Variants in VGF observed in about 807,000 individuals in gnomAD.
VGF encodes VGF nerve growth factor inducible, also known as neurosecretory protein VGF.
A neutral mutation model predicts 41.1 loss-of-function variants in VGF; 13 were observed. The observed-to-expected ratio is 0.32, with a 90% CI of 0.21 to 0.50. VGF has a LOEUF of 0.50. Among genes scored for constraint, VGF ranks in the 20% least tolerant of loss-of-function variants. The probability of loss-of-function intolerance (pLI) is 0.98; values close to 1 mark genes in which losing one functional copy is unlikely to be tolerated. For synonymous variants in VGF, 473 were observed against 418.3 expected (o/e 1.13, Z -1.60); for missense variants, 920 against 882.1 (o/e 1.04, Z -0.54).
At chr7:101,166,947 G>T (rs964018742), upstream of VGF, among the ~76,000 whole-genome samples, 1 of 151,868 alleles carries the variant, frequency 6.6e-6, no homozygotes, top group Non-Finnish European at 1.5e-5. Context: ...AATGACACAC[G>T]CCAGACACAC....
Position 101,164,544 on chromosome 7 carries a change from G to T in VGF, c.300C>A (p.Ser100Arg). The part of the protein sequence containing the change: ...LDRPASPPAP[S>R]GSQQGPEEEA... Reference sequence around the variant, plus strand: ...CTTCCTCCGGCCCCTGCTGGGAGCCGCTTGGTGCCGGGGGTGAGGCGGGAC... The same window carrying T: ...CTTCCTCCGGCCCCTGCTGGGAGCCTCTTGGTGCCGGGGGTGAGGCGGGAC... Residue 100 changes from serine to arginine, a missense_variant, in exon 2 of 2, where the codon AGC (serine) becomes AGA (arginine). Coordinates refer to ENST00000249330, the MANE Select transcript of VGF (RefSeq NM_003378.4). The T allele has an allele frequency of 6.3e-7, 1 of 1,598,910 alleles. No homozygotes were observed. The highest frequency in any genetic ancestry group is 8.5e-7 in the Non-Finnish European group (1 of 1,177,696).
In VGF at chr7:101,162,988, A is replaced by C; in HGVS notation, c.*8T>G. ...GGGGGCGCGCGGGGGCGGGACCGGG[A>C]AGGGCAGTCACGGGCGCCGGAGCAG... On this transcript the variant is annotated 3_prime_UTR_variant, in exon 2 of 2. Coordinates refer to ENST00000249330, the MANE Select transcript of VGF (RefSeq NM_003378.4). This position sits in a 1 kb window ranked among gnomAD's most constrained non-coding sequence, Gnocchi z 4.2. 7.5e-7 allele frequency: 1 copy of C among 1,338,200 alleles called. No individual in the cohort carries two copies. Among genetic ancestry groups the C allele is most frequent in the Non-Finnish European group, 9.7e-7 (1 of 1,026,790 alleles). The allele number at this position is 1,338,200 out of a possible 1,614,324, so 82.9% of individuals were successfully genotyped here.
At chr7:101,169,375 G>A (rs532213269), upstream of VGF, among the ~76,000 whole-genome samples, 2 of 151,906 alleles carry the variant, frequency 1.3e-5, no homozygotes, top group African/African-American at 4.8e-5. Flanking sequence ...CCAAGAGAAA[G>A]AAAACCACTT....
In VGF at chr7:101,163,268, C is replaced by T. The variant is rs1003214201; in HGVS notation, c.1576G>A (p.Val526Met). 10 of 1,512,502 alleles carry T rather than the reference C, an allele frequency of 6.6e-6. No homozygotes were observed. The East Asian group carries it at 2.1e-4, about 32-fold the overall frequency. The allele number at this position is 1,512,502 out of a possible 1,614,324, so 93.7% of individuals were successfully genotyped here. Residue 526 changes from valine (V) to methionine (M), a missense_variant, in exon 2 of 2, where the codon GTG becomes ATG. This residue lies in a region of VGF where 257 missense variants were observed against 217.2 expected (regional missense o/e 1.18). Coordinates refer to ENST00000249330, the MANE Select transcript of VGF (RefSeq NM_003378.4). This position sits in a 1 kb window ranked among gnomAD's most constrained non-coding sequence, Gnocchi z 5.0. Reference protein sequence around the residue: ...ARDELPDWNEVLPPWDREEDE... With the variant: ...ARDELPDWNEMLPPWDREEDE... ...TCCTCCCGATCCCAGGGCGGGAGCA[C>T]CTCGTTCCAGTCCGGCAGCTCGTCT...
At chr7:101,166,771 G>A (rs1584214979), upstream of VGF, among the ~76,000 whole-genome samples, 6 of 138,466 alleles carry the variant, frequency 4.3e-5, no homozygotes, top group South Asian at 1.6e-3. Flanking sequence ...AGCCGTGGGC[G>A]GGGGTGGGGG....
In VGF at chr7:101,162,741, G is replaced by A. The variant is rs1015646103; in HGVS notation, c.*255C>T. On this transcript the variant is annotated 3_prime_UTR_variant, in exon 2 of 2. Coordinates refer to ENST00000249330, the MANE Select transcript of VGF (RefSeq NM_003378.4). The surrounding 1 kb of genome is among the most constrained non-coding windows in gnomAD (Gnocchi z 4.2). The stretch of plus-strand genomic sequence containing the variant: ...AGGGACTTGATGGGGCCGGGGCCCC[G>A]CGTGGCAAGGGAACTCGCACAAACC... 5.0e-6 allele frequency: 3 copies of A among 605,182 alleles called. No homozygotes were observed. The highest frequency in any genetic ancestry group is 2.2e-5 in the Admixed American group (1 of 46,278). The allele number at this position is 605,182 out of a possible 1,614,324, so 37.5% of individuals were successfully genotyped here.
upstream of VGF, among the ~76,000 whole-genome samples, chr7:101,166,427 C>A (rs1797219565): frequency 6.6e-6 from 1 of 152,060 alleles, no homozygotes; most frequent in South Asian, 2.1e-4. Flanking sequence ...TTCCCACACT[C>A]CCCCAGTCGC....
chr7:101,164,637 G>A lies in VGF; in HGVS notation c.207C>T (p.Asp69=), dbSNP rs760774163. Residue 69 remains aspartate (D), a synonymous_variant, in exon 2 of 2, where the codon GAC becomes GAT. Transcript: ENST00000249330. ...VRGARNSEPQ[D]EGELFQGVDP... is the part of the protein sequence containing the mutation. ...CCACGCCCTGGAAAAGCTCTCCCTC[G>A]TCCTGCGGCTCGGAATTCCGAGCGC... 13 of 1,595,850 alleles carry A rather than the reference G, an allele frequency of 8.1e-6. No individual in the cohort carries two copies. The highest frequency in any genetic ancestry group is 6.8e-5 in the East Asian group (3 of 44,066).
Position 101,164,499 on chromosome 7 carries a change from CAGCAG to C in VGF, c.340_344del (p.Leu114AspfsTer58), listed in dbSNP as rs1797182850. 1.9e-6 allele frequency: 3 copies of C among 1,600,938 alleles called. No individual in the cohort carries two copies. The highest frequency in any genetic ancestry group is 2.5e-6 in the Non-Finnish European group (3 of 1,179,162). On this transcript the variant is annotated frameshift_variant, in exon 2 of 2. Coordinates refer to ENST00000249330, the MANE Select transcript of VGF (RefSeq NM_003378.4). LOFTEE classifies it high-confidence loss of function. ...GGGTCTGGCTGCGCACGGTCTCGGT[CAGCAG>C]AGCTTCAGCTGCTTCTTCCTCCGGC...
chr7:101,163,528 C>T lies in VGF; in HGVS notation c.1316G>A (p.Gly439Glu), dbSNP rs1429343484. 5.6e-6 allele frequency: 9 copies of T among 1,608,186 alleles called. No homozygotes were observed. The highest frequency in any genetic ancestry group is 6.8e-6 in the Non-Finnish European group (8 of 1,177,556). Residue 439 changes from glycine (G) to glutamate (E), a missense_variant, in exon 2 of 2, where the codon GGG becomes GAG. Physicochemically the swap from Gly to Glu is moderately conservative, Grantham distance 98. Around this residue, in one of 3 missense-constraint regions of VGF, gnomAD observed 654 missense variants for 638.4 expected, o/e 1.02. Coordinates refer to ENST00000249330, the MANE Select transcript of VGF (RefSeq NM_003378.4). The surrounding 1 kb of genome is among the most constrained non-coding windows in gnomAD (Gnocchi z 5.0). ...CATCTCCTCGTCGTCCTCCTCCTCCCCGCCCTCCTCTGTCCCCTCGGCCTC... is the reference window on the plus strand; with the variant it reads ...CATCTCCTCGTCGTCCTCCTCCTCCTCGCCCTCCTCTGTCCCCTCGGCCTC... ...RKEAEGTEEGGEEEDDEEMDP... is the reference protein window; with the variant it reads ...RKEAEGTEEGEEEEDDEEMDP...
In VGF at chr7:101,163,739, G is replaced by GCTCCGC. The variant is rs1044919822; in HGVS notation, c.1099_1104dup (p.Ala367_Glu368dup). The GCTCCGC allele has an allele frequency of 5.6e-5, 86 of 1,533,544 alleles. No individual in the cohort carries two copies. Among genetic ancestry groups the GCTCCGC allele is most frequent in the Non-Finnish European group, 7.2e-5 (83 of 1,145,432 alleles). 95.0% of individuals were successfully genotyped at this position (1,533,544 alleles called of 1,614,324 possible). A position where few individuals can be genotyped will look rare whatever the true frequency, so the allele number is the denominator to read the frequency against. On this transcript the variant is annotated inframe_insertion, in exon 2 of 2. Coordinates refer to ENST00000249330, the MANE Select transcript of VGF (RefSeq NM_003378.4). The surrounding 1 kb of genome is among the most constrained non-coding windows in gnomAD (Gnocchi z 5.0). ...CTCTCCTCCCCGCCGCGTCTCTCCT[G>GCTCCGC]CTCCGCCTCCTCCTCCTCCCTTGCA...
At chr7:101,167,260 G>C (rs1253330390), upstream of VGF, among the ~76,000 whole-genome samples, 3 of 152,094 alleles carry the variant, frequency 2.0e-5, no homozygotes, top group East Asian at 5.8e-4. The surrounding 1 kb of genome is among the most constrained non-coding windows in gnomAD (Gnocchi z 4.2). Context: ...TGGAGAGGGA[G>C]AAAAGAGAGA....
chr7:101,169,648 G>A (rs1472172504), upstream of VGF, among the ~76,000 whole-genome samples: 1 of 152,094 alleles, frequency 6.6e-6, no homozygotes, highest in African/African-American at 2.4e-5. Flanking sequence ...CCCAAGACGC[G>A]GTTGCAGGGA....
chr7:101,165,710 G>A (rs1797207413), upstream of VGF: 3 of 962,720 alleles, frequency 3.1e-6, no homozygotes, highest in African/African-American at 1.8e-5. Flanking sequence ...ACGATTGGAG[G>A]GTGCCTGCCT....
In VGF at chr7:101,164,692, G is replaced by C. The variant is rs1429935598; in HGVS notation, c.152C>G (p.Pro51Arg). 15 of 1,603,688 alleles carry C rather than the reference G, an allele frequency of 9.4e-6. No individual in the cohort carries two copies. The highest frequency in any genetic ancestry group is 1.3e-5 in the Non-Finnish European group (15 of 1,175,602). The change falls in exon 2 of 2, where the codon CCA (proline) becomes CGA (arginine). Residue 51 changes from proline (P) to arginine (R), a missense_variant. Physicochemically the swap from Pro to Arg is moderately radical, Grantham distance 103. This residue lies in a region of VGF where 654 missense variants were observed against 638.4 expected (regional missense o/e 1.02). Transcript: ENST00000249330. Reference protein sequence around the residue: ...EPVAGDAVPGPKDGSAPEVRG... With the variant: ...EPVAGDAVPGRKDGSAPEVRG... ...GACCTCTGGGGCGCTGCCATCCTTT[G>C]GCCCGGGCACTGCGTCCCCGGCTAC...
At position 101,165,550 on chromosome 7, in the gene VGF, C is replaced by T. The variant is rs1562870276; in HGVS notation, c.-197G>A. On this transcript the variant is annotated 5_prime_UTR_variant, in exon 1 of 2. Transcript: ENST00000249330. ...TCGGCGCGGCTCCGGGCGGCTAGCT[C>T]GCTCCGGCTTCAGCACGCTGGACAG... 2 of 985,290 alleles carry T rather than the reference C, an allele frequency of 2.0e-6. No homozygotes were observed. Among genetic ancestry groups the T allele is most frequent in the Non-Finnish European group, 2.4e-6 (2 of 829,932 alleles). 61.0% of individuals were successfully genotyped at this position (985,290 alleles called of 1,614,324 possible). A position where few individuals can be genotyped will look rare whatever the true frequency, so the allele number is the denominator to read the frequency against.
At chr7:101,165,267 G>C in intron 1 of VGF, 107 bp downstream of exon 1, 1 of 989,730 alleles carries the variant, frequency 1.0e-6, no homozygotes. Flanking sequence ...CCTTACCAGG[G>C]GGCTCCCCGC....
rs1797196451 is a variant in VGF at position 101,165,071 on chromosome 7, C to T, written c.-20-208G>A. 11 of 1,257,492 alleles carry T rather than the reference C, an allele frequency of 8.7e-6. No homozygotes were observed. In the East Asian group the frequency reaches 3.3e-4, roughly 38 times the overall value. 77.9% of individuals were successfully genotyped at this position (1,257,492 alleles called of 1,614,324 possible). ...TAAATGGGAAAATAACCCCCGAAGC[C>T]CTCGCTTACCCAGGGCCTCCTCGGC... On this transcript the variant is annotated intron_variant, in intron 1 of 1. Coordinates refer to ENST00000249330, the MANE Select transcript of VGF (RefSeq NM_003378.4).
chr7:101,164,938 C>T, intron 1 of VGF, 75 bp from the exon 2 acceptor site: 1 of 1,430,730 alleles, frequency 7.0e-7, no homozygotes, highest in Non-Finnish European at 9.2e-7. Context: ...TCCCTTCCCC[C>T]ACCTTTCAGC....
Sources: gnomAD v4.1 joint callset for allele counts (sites outside exome capture counted in the v4.1 genomes callset) on GRCh38, gnomAD v4.1.1 for gene constraint, gnomAD v4.1.1 regional missense constraint, Gnocchi (gnomAD v3.1) non-coding constraint, MANE v1.5 for transcripts, NCBI Gene and HGNC (gene_info 2026-07-23, HGNC 2026-07-21) for gene names.